The following CFAP46 variants were observed in gnomAD, a reference collection of about 807,000 sequenced individuals.
The protein encoded by CFAP46 is cilia and flagella associated protein 46.
CFAP46 carries 245 observed loss-of-function variants against 325.7 expected under a neutral mutation model. That is an observed-to-expected ratio of 0.75 (90% CI 0.68 to 0.84). The LOEUF (loss-of-function observed/expected upper bound fraction) is 0.84. CFAP46 is among the 40% of genes least tolerant of loss of function. The pLI is 0.00. For synonymous variants in CFAP46, 1,523 were observed against 1,495.9 expected, an observed-to-expected ratio of 1.02 and a Z score of -0.42; for missense variants, 3,346 against 3,543.0, an observed-to-expected ratio of 0.94 and a Z score of 1.41.
At chr10:132,856,919 C>A (rs1482110891) in intron 39 of CFAP46, among the ~76,000 whole-genome samples, 2 of 152,178 alleles carry the variant, frequency 1.3e-5, no homozygotes, top group Non-Finnish European at 2.9e-5. Flanking sequence ...GGACAGTTAT[C>A]TTCTCAAAGG....
intron 46 of CFAP46, among the ~76,000 whole-genome samples, 190 bp from the exon 47 acceptor site, chr10:132,835,624 C>T (rs888606179): frequency 6.6e-6 from 1 of 152,112 alleles, no homozygotes; most frequent in Non-Finnish European, 1.5e-5. Context: ...GCGCAGGCAG[C>T]GGATGGGCCT....
rs143679518 is a variant in CFAP46, at chr10:132,884,732, G to A, written c.3627+371C>T. 9.2e-5 allele frequency among the ~76,000 whole-genome samples: 14 copies of A among 151,952 alleles called. No homozygotes were observed. Among genetic ancestry groups the A allele is most frequent in the Admixed American group, 2.0e-4 (3 of 15,288 alleles). ...GCCCTGCTCTCCTGTGCAGCCACCC[G>A]CCCATCGGGGCCCCTGCCTGCTCTC... On this transcript the variant is annotated intron_variant, in intron 27 of 57. Coordinates refer to ENST00000368586, the MANE Select transcript of CFAP46 (RefSeq NM_001200049.3). The surrounding 1 kb of genome is among the most constrained non-coding windows in gnomAD (Gnocchi z 5.4).
rs75737707 is a variant in CFAP46 at position 132,817,991 on chromosome 10, G to T, written c.7118-3077C>A. 3.7e-3 allele frequency among the ~76,000 whole-genome samples: 562 copies of T among 152,324 alleles called. 7 individuals carry two copies. In the South Asian group the frequency reaches 0.058, roughly 16 times the overall value. On this transcript the variant is annotated intron_variant, in intron 50 of 57. Coordinates refer to ENST00000368586, the MANE Select transcript of CFAP46 (RefSeq NM_001200049.3). This position sits in a 1 kb window ranked among gnomAD's most constrained non-coding sequence, Gnocchi z 4.4. ...AGGCTCCTTCTCCTGCTTCTCTTGT[G>T]TGAGGGCTTTCTCATCACCTGGGCC... is the stretch of plus-strand genomic sequence containing the variant.
chr10:132,890,185 T>A (rs1195044417), intron 25 of CFAP46, among the ~76,000 whole-genome samples: 1 of 151,602 alleles, frequency 6.6e-6, no homozygotes, highest in Non-Finnish European at 1.5e-5. Flanking sequence ...CGGGTCACAT[T>A]CTGAAGGGGT....
intron 11 of CFAP46, among the ~76,000 whole-genome samples, chr10:132,923,886 C>T (rs181238276): frequency 2.6e-5 from 4 of 152,142 alleles, no homozygotes; most frequent in East Asian, 1.9e-4. Context: ...AAGGTATAGT[C>T]GAGAAACCAA....
chr10:132,924,354 T>G (rs1381461408), intron 11 of CFAP46, among the ~76,000 whole-genome samples: 2 of 151,912 alleles, frequency 1.3e-5, no homozygotes, highest in African/African-American at 4.8e-5. Flanking sequence ...CTCTGAGCAC[T>G]CCTGTCTCAC....
At chr10:132,932,367 CTCCT>C (rs1849924689) in intron 8 of CFAP46, among the ~76,000 whole-genome samples, 1 of 143,866 alleles carries the variant, frequency 7.0e-6, no homozygotes, top group Admixed American at 6.9e-5. Flanking sequence ...CTGGGCTTTC[CTCCT>C]CCCCACGCAG....
chr10:132,870,306 C>T (rs998087616), intron 32 of CFAP46, among the ~76,000 whole-genome samples: 1 of 152,056 alleles, frequency 6.6e-6, no homozygotes, highest in African/African-American at 2.4e-5. Flanking sequence ...GAAATTAGGC[C>T]AGTTAATAAC....
At chr10:132,858,964 G>C (rs1235458532) in intron 38 of CFAP46, 107 bp downstream of exon 38, 1 of 1,192,094 alleles carries the variant, frequency 8.4e-7, no homozygotes, top group African/African-American at 1.5e-5. Flanking sequence ...TGGACCCCGC[G>C]GGGGTGCAGC....
Position 132,832,828 on chromosome 10 carries a change from T to C in CFAP46, c.7117+530A>G. The C allele has an allele frequency of 2.1e-6, 1 of 470,892 alleles. No individual in the cohort carries two copies. The highest frequency in any genetic ancestry group is 1.5e-5 in the South Asian group (1 of 64,562). The allele number at this position is 470,892 out of a possible 1,614,324, so 29.2% of individuals were successfully genotyped here. A position where few individuals can be genotyped will look rare whatever the true frequency, so the allele number is the denominator to read the frequency against. On this transcript the variant is annotated intron_variant, in intron 50 of 57. Coordinates refer to ENST00000368586, the MANE Select transcript of CFAP46 (RefSeq NM_001200049.3). This position sits in a 1 kb window ranked among gnomAD's most constrained non-coding sequence, Gnocchi z 4.1. ...CTGAGTGATTAACGGAGAGGCTGGC[T>C]GTTTACTACACATCTGGTCCCCTCC...
intron 24 of CFAP46, among the ~76,000 whole-genome samples, chr10:132,893,060 C>A (rs147407735): frequency 6.6e-5 from 10 of 152,346 alleles, no homozygotes; most frequent in Non-Finnish European, 1.2e-4. Flanking sequence ...CCGATAAGAT[C>A]TCAGGAGTTG....
At position 132,823,915 on chromosome 10, in the gene CFAP46, ATG is replaced by A. The variant is rs373991164; in HGVS notation, c.7118-9003_7118-9002del. 2.7e-3 allele frequency among the ~76,000 whole-genome samples: 287 copies of A among 107,606 alleles called. 1 individual carries two copies. Among genetic ancestry groups the A allele is most frequent in the African/African-American group, 9.3e-3 (264 of 28,476 alleles). 70.6% of individuals were successfully genotyped at this position (107,606 alleles called of 152,430 possible). ...TGCGCTGTGTGCTGTGTGAGCGCTG[ATG>A]TGTGTGTGTGCTGATGTGTGCTGTG... On this transcript the variant is annotated intron_variant, in intron 50 of 57. Transcript: ENST00000368586.
At chr10:132,880,172 C>T (rs1849018443) in intron 28 of CFAP46, among the ~76,000 whole-genome samples, 1 of 152,182 alleles carries the variant, frequency 6.6e-6, no homozygotes, top group African/African-American at 2.4e-5. Context: ...CCGGCCTCTG[C>T]TCTTCACGGC....
rs1015288744 is a variant in CFAP46, at chr10:132,813,846, G to A, written c.7388+306C>T. On this transcript the variant is annotated intron_variant, in intron 54 of 57. Transcript: ENST00000368586. ...ACGGAACCCCAAGGGCATCTGGGGGGCAGAGTCTGCGAGTGGTCTCTGGAG... is the reference window on the plus strand; with the variant it reads ...ACGGAACCCCAAGGGCATCTGGGGGACAGAGTCTGCGAGTGGTCTCTGGAG... Among the ~76,000 whole-genome samples the A allele has an allele frequency of 2.6e-5, 4 of 152,224 alleles. No individual in the cohort carries two copies. In the East Asian group the frequency reaches 5.8e-4, roughly 22 times the overall value.
At position 132,872,643 on chromosome 10, in the gene CFAP46, GAAATCACACTCCGA is replaced by G; in HGVS notation, c.4511+19_4511+32del. The G allele has an allele frequency of 6.5e-7, 1 of 1,550,202 alleles. No individual in the cohort carries two copies. The highest frequency in any genetic ancestry group is 8.7e-7 in the Non-Finnish European group (1 of 1,146,820). On this transcript the variant is annotated intron_variant, in intron 32 of 57. Transcript: ENST00000368586. ...TTGTTTATTTTTGTTTTGCTTTGGG[GAAATCACACTCCGA>G]AAAAGGAGCTGTACCCACCGAAGGT...
rs1480719782 is a variant in CFAP46 at position 132,860,964 on chromosome 10, C to T, written c.4909G>A (p.Ala1637Thr). ...LAFQELDEPCAEAQCLLLLAQ... is the reference protein window; with the variant it reads ...LAFQELDEPCTEAQCLLLLAQ... ...AGGAGGAGCAGGCACTGGGCCTCTG[C>T]ACAAGGCTCATCCAGCTCCTGAAGG... Residue 1637 changes from alanine to threonine, a missense_variant, in exon 36 of 58, where the codon GCA becomes ACA. Transcript: ENST00000368586. The T allele has an allele frequency of 6.4e-7, 1 of 1,550,630 alleles. No homozygotes were observed. The highest frequency in any genetic ancestry group is 1.2e-5 in the South Asian group (1 of 84,064).
intron 8 of CFAP46, among the ~76,000 whole-genome samples, chr10:132,931,923 C>T (rs1407987154): frequency 6.9e-6 from 1 of 144,876 alleles, no homozygotes; most frequent in African/African-American, 2.6e-5. Context: ...CTCCTCCCCA[C>T]GCAGAGGCTG....
chr10:132,821,483 G>C (rs1309205470), intron 50 of CFAP46, among the ~76,000 whole-genome samples: 2 of 142,244 alleles, frequency 1.4e-5, no homozygotes, highest in Non-Finnish European at 3.0e-5. Flanking sequence ...TGTGTGTGCT[G>C]TGTGAGTGCT....
At chr10:132,862,439 G>A (rs530859492) in intron 35 of CFAP46, among the ~76,000 whole-genome samples, 1 of 150,282 alleles carries the variant, frequency 6.7e-6, no homozygotes, top group Admixed American at 6.6e-5. Flanking sequence ...GGACAGGGTG[G>A]GTGGGGCGGG....
Sources: gnomAD v4.1 joint callset for allele counts (sites outside exome capture counted in the v4.1 genomes callset) on GRCh38, gnomAD v4.1.1 for gene constraint, Gnocchi (gnomAD v3.1) non-coding constraint, MANE v1.5 for transcripts, NCBI Gene and HGNC (gene_info 2026-07-23, HGNC 2026-07-21) for gene names.